ATM: variants seen among roughly 807,000 people sequenced by gnomAD.
ATM encodes the protein ATM serine/threonine kinase, also known as serine-protein kinase ATM.
Under a neutral mutation model 387.0 loss-of-function variants are expected in ATM, and 308 were observed. That is an observed-to-expected ratio of 0.80 (90% CI 0.73 to 0.87). ATM has a LOEUF of 0.87. Ranked by LOEUF, ATM falls within the 40% of genes least tolerant of loss-of-function variation. ATM has a pLI of 0.00. For synonymous variants in ATM, 1,156 were observed against 1,187.3 expected, an observed-to-expected ratio of 0.97 and a Z score of 0.54; for missense variants, 3,312 against 3,560.9, an observed-to-expected ratio of 0.93 and a Z score of 1.78.
At chr11:108,285,579 C>T (rs1352298161) in intron 26 of ATM, among the ~76,000 whole-genome samples, 1 of 151,650 alleles carries the variant, frequency 6.6e-6, no homozygotes, top group Admixed American at 6.6e-5. Context: ...AGTAACCAAA[C>T]TTGGTCAATA....
chr11:108,241,565 G>GGT (rs1435740057), intron 5 of ATM, among the ~76,000 whole-genome samples: 2 of 151,700 alleles, frequency 1.3e-5, no homozygotes, highest in African/African-American at 4.8e-5. Context: ...ACAATCTTAC[G>GGT]GTACCACCTT....
At chr11:108,365,056 T>C (rs994201970) in intron 61 of ATM, 26 bp from the exon 62 acceptor site, 10 of 1,612,136 alleles carry the variant, frequency 6.2e-6, no homozygotes, top group Non-Finnish European at 8.5e-6. Flanking sequence ...CATTGTTCTT[T>C]TAATACATAT....
chr11:108,332,740 G>A (rs1565535798), intron 52 of ATM, 22 bp from the exon 53 acceptor site: 1 of 1,607,902 alleles, frequency 6.2e-7, no homozygotes. Flanking sequence ...CTTATGTAAT[G>A]TTTTTTGTTT....
intron 61 of ATM, among the ~76,000 whole-genome samples, chr11:108,357,252 C>T (rs978032029): frequency 2.6e-5 from 4 of 152,200 alleles, no homozygotes; most frequent in East Asian, 1.9e-4. Flanking sequence ...TAAAAAACGG[C>T]GCACCACGAG....
At chr11:108,361,857 C>T (rs543731988) in intron 61 of ATM, among the ~76,000 whole-genome samples, 1 of 151,514 alleles carries the variant, frequency 6.6e-6, no homozygotes, top group African/African-American at 2.4e-5. Flanking sequence ...AGAAGAAAAC[C>T]TAGGCATTAC....
At chr11:108,310,025 T>C in intron 38 of ATM, 135 bp from the exon 39 acceptor site, 1 of 819,256 alleles carries the variant, frequency 1.2e-6, no homozygotes, top group Non-Finnish European at 1.9e-6. Context: ...TAGGTATATA[T>C]TGGGGAAATG....
intron 40 of ATM, among the ~76,000 whole-genome samples, chr11:108,313,192 T>A (rs1477104935): frequency 6.6e-6 from 1 of 152,240 alleles, no homozygotes; most frequent in Non-Finnish European, 1.5e-5. Flanking sequence ...GCTTTGTTTT[T>A]TTATCTGCTC....
At chr11:108,251,322 T>C (rs1319970913) in intron 10 of ATM, among the ~76,000 whole-genome samples, 1 of 152,254 alleles carries the variant, frequency 6.6e-6, no homozygotes, top group East Asian at 1.9e-4. Flanking sequence ...TTAATTGATC[T>C]ATAATAGAGT....
chr11:108,251,125 C>T (rs908448294), intron 10 of ATM, 53 bp downstream of exon 10: 83 of 1,607,974 alleles, frequency 5.2e-5, no homozygotes, highest in Non-Finnish European at 6.9e-5. Context: ...CACAGACACA[C>T]ACACACTCAC....
chr11:108,317,090 T>A (rs2084729988), intron 42 of ATM, among the ~76,000 whole-genome samples: 1 of 127,468 alleles, frequency 7.8e-6, no homozygotes, highest in African/African-American at 3.2e-5. Flanking sequence ...CACACTACCA[T>A]ACCCAGCTAT....
At position 108,330,970 on chromosome 11, in the gene ATM, T is replaced by A. The variant is rs1052842254; in HGVS notation, c.7516-474T>A. Among the ~76,000 whole-genome samples, 26 of 152,182 alleles carry A rather than the reference T, an allele frequency of 1.7e-4. 1 individual carries two copies. Among genetic ancestry groups the A allele is most frequent in the Non-Finnish European group, 2.9e-4 (20 of 68,034 alleles). On this transcript the variant is annotated intron_variant, in intron 50 of 62. Coordinates refer to ENST00000675843, the MANE Select transcript of ATM (RefSeq NM_000051.4). ...AAGTTGACAAGCTATATATTGTTAG[T>A]CAATTTGAAGGTTAGAGATAAAATG...
At position 108,334,990 on chromosome 11, in the gene ATM, G is replaced by A. The variant is rs766730487; in HGVS notation, c.8032G>A (p.Gly2678Arg). The A allele has an allele frequency of 5.0e-6, 8 of 1,613,508 alleles. No homozygotes were observed. The highest frequency in any genetic ancestry group is 6.8e-6 in the Non-Finnish European group (8 of 1,179,492). Residue 2678 changes from glycine to arginine, a missense_variant, in exon 55 of 63, where the codon GGA (glycine) becomes AGA (arginine). Coordinates refer to ENST00000675843, the MANE Select transcript of ATM (RefSeq NM_000051.4). ...EIKVDHTGEY[G>R]NLVTIQSFKA... is the part of the protein sequence containing the mutation. ...TTAGGTGGACCACACAGGAGAATAT[G>A]GAAATCTGGTGACTATACAGTCATT...
At chr11:108,259,857 GA>G (rs2080753104) in intron 16 of ATM, among the ~76,000 whole-genome samples, 1 of 152,062 alleles carries the variant, frequency 6.6e-6, no homozygotes, top group South Asian at 2.1e-4. Flanking sequence ...TCTATTGAGT[GA>G]AAACATATTC....
At chr11:108,276,968 C>G (rs2081981904) in intron 22 of ATM, among the ~76,000 whole-genome samples, 2 of 152,158 alleles carry the variant, frequency 1.3e-5, no homozygotes, top group African/African-American at 4.8e-5. Flanking sequence ...TGCCCACAAC[C>G]ACCCCTTTCC....
chr11:108,367,127 A>G lies in ATM; in HGVS notation c.*1619A>G. On this transcript the variant is annotated 3_prime_UTR_variant, in exon 63 of 63. Transcript: ENST00000675843. ...CTCAGCCTCCCGAGTAGCTGGGACT[A>G]CAGGCGTGTGCCAACACGCCCGGCT... The G allele has an allele frequency of 5.6e-6, 1 of 179,358 alleles. No homozygotes were observed. The highest frequency in any genetic ancestry group is 9.3e-5 in the East Asian group (1 of 10,708). 11.1% of individuals were successfully genotyped at this position (179,358 alleles called of 1,614,324 possible). A position where few individuals can be genotyped will look rare whatever the true frequency, so the allele number is the denominator to read the frequency against.
intron 22 of ATM, among the ~76,000 whole-genome samples, chr11:108,277,834 G>C (rs2082028486): frequency 6.6e-6 from 1 of 152,160 alleles, no homozygotes; most frequent in African/African-American, 2.4e-5. Context: ...TTGCCATCTT[G>C]CTGTTCCCTT....
chr11:108,279,450 T>C (rs1428527108), intron 22 of ATM, 41 bp from the exon 23 acceptor site: 2 of 1,412,580 alleles, frequency 1.4e-6, no homozygotes, highest in South Asian at 2.4e-5. Context: ...ATTAGAAAAT[T>C]ATTTCACTTT....
At chr11:108,325,251 T>C in intron 45 of ATM, 59 bp from the exon 46 acceptor site, 1 of 190,348 alleles carries the variant, frequency 5.3e-6, no homozygotes, top group Middle Eastern at 1.5e-3. Context: ...CTTACATAGT[T>C]TTTTTTTTTT....
intron 22 of ATM, 137 bp downstream of exon 22, chr11:108,272,989 G>A: frequency 9.1e-7 from 1 of 1,097,824 alleles, no homozygotes; most frequent in Non-Finnish European, 1.4e-6. Context: ...TGGCATTTAT[G>A]TTTATTCTTA....
Sources: gnomAD v4.1 joint callset for allele counts (sites outside exome capture counted in the v4.1 genomes callset) on GRCh38, gnomAD v4.1.1 for gene constraint, MANE v1.5 for transcripts, NCBI Gene and HGNC (gene_info 2026-07-23, HGNC 2026-07-21) for gene names.